The following ABCC12 variants were observed in gnomAD, a reference collection of about 807,000 sequenced individuals.
ABCC12 encodes the protein ATP binding cassette subfamily C member 12, also known as ATP-binding cassette sub-family C member 12.
ABCC12 carries 142 observed loss-of-function variants against 151.1 expected under a neutral mutation model. The observed-to-expected ratio is 0.94, with a 90% CI of 0.82 to 1.08. The LOEUF is 1.08. Among genes scored for constraint, ABCC12 ranks in the 50% least tolerant of loss-of-function variants. The pLI, the probability that ABCC12 is intolerant of heterozygous loss-of-function variation, is 0.00. For synonymous variants in ABCC12, 645 were observed against 646.4 expected (o/e 1.00, Z 0.03); for missense variants, 1,638 against 1,691.1 (o/e 0.97, Z 0.55).
chr16:48,127,937 G>T (rs181779360), intron 11 of ABCC12, among the ~76,000 whole-genome samples: 1 of 151,890 alleles, frequency 6.6e-6, no homozygotes, highest in African/African-American at 2.4e-5. Flanking sequence ...AAATTATCCC[G>T]CTTTCCCCTG....
intron 2 of ABCC12, among the ~76,000 whole-genome samples, chr16:48,152,960 G>T (rs1040918702): frequency 6.6e-6 from 1 of 152,200 alleles, no homozygotes. Flanking sequence ...AAATTAATTT[G>T]CTATAAAGAA....
intron 2 of ABCC12, among the ~76,000 whole-genome samples, chr16:48,149,244 CAAAAAAAAA>C: frequency 1.5e-5 from 1 of 65,050 alleles, no homozygotes. Flanking sequence ...GTAGATTAAC[CAAAAAAAAA>C]AAAAAAAAAA....
At chr16:48,148,539 AG>A (rs1965072712) in intron 2 of ABCC12, among the ~76,000 whole-genome samples, 1 of 152,156 alleles carries the variant, frequency 6.6e-6, no homozygotes, top group Non-Finnish European at 1.5e-5. Context: ...TGCCCAGTGC[AG>A]TTAATGAATA....
At chr16:48,143,724 C>T (rs1035218639) in intron 4 of ABCC12, among the ~76,000 whole-genome samples, 186 bp downstream of exon 4, 2 of 152,196 alleles carry the variant, frequency 1.3e-5, no homozygotes, top group South Asian at 4.1e-4. Flanking sequence ...CACTGTCTTG[C>T]CTGCCACCAT....
At chr16:48,119,148 C>T (rs1209049296) in intron 13 of ABCC12, among the ~76,000 whole-genome samples, 1 of 152,200 alleles carries the variant, frequency 6.6e-6, no homozygotes, top group African/African-American at 2.4e-5. Flanking sequence ...AAATATGCCA[C>T]ATATGAAGGA....
Position 48,111,809 on chromosome 16 carries a change from T to A in ABCC12, c.2091A>T (p.Lys697Asn), listed in dbSNP as rs1015348954. 2 of 1,614,162 alleles carry A rather than the reference T, an allele frequency of 1.2e-6. No individual in the cohort carries two copies. Among genetic ancestry groups the A allele is most frequent in the South Asian group, 2.2e-5 (2 of 91,084 alleles). Residue 697 changes from lysine (K) to asparagine (N), a missense_variant, in exon 16 of 31, where the codon AAA becomes AAT. Lys to Asn is a moderately conservative substitution (Grantham distance 94). Coordinates refer to ENST00000311303, the MANE Select transcript of ABCC12 (RefSeq NM_001393797.1). ...ELMEERGRYA[K>N]LIHNLRGLQF... ...GCAATCCTCGCAGGTTGTGAATCAGTTTTGCATAGCGCCCTCTCTCCTCCA... is the reference window on the plus strand; with the variant it reads ...GCAATCCTCGCAGGTTGTGAATCAGATTTGCATAGCGCCCTCTCTCCTCCA...
intron 24 of ABCC12, among the ~76,000 whole-genome samples, chr16:48,092,498 C>T (rs2150588728): frequency 6.6e-6 from 1 of 152,338 alleles, no homozygotes; most frequent in South Asian, 2.1e-4. Flanking sequence ...ATGCCCGGAA[C>T]CTCCAGCCTG....
chr16:48,105,038 G>A lies in ABCC12; in HGVS notation c.2673+101C>T, dbSNP rs74018242. The A allele has an allele frequency of 4.7e-4, 638 of 1,362,302 alleles. 3 individuals carry two copies. The African/African-American group carries it at 7.7e-3, about 17-fold the overall frequency. 84.4% of individuals were successfully genotyped at this position (1,362,302 alleles called of 1,614,324 possible). A position where few individuals can be genotyped will look rare whatever the true frequency, so the allele number is the denominator to read the frequency against. On this transcript the variant is annotated intron_variant, in intron 21 of 30. Transcript: ENST00000311303. ...AGACTGCAAGCTCTATGAGGGCTCT[G>A]GCTGTCCCCAGAGCCCAGCACCATG...
At chr16:48,131,002 C>T (rs1361652681) in intron 9 of ABCC12, 107 bp from the exon 10 acceptor site, 13 of 741,800 alleles carry the variant, frequency 1.8e-5, no homozygotes, top group Middle Eastern at 2.9e-4. Context: ...ATGGTGGCAT[C>T]GTTGGAATGT....
intron 29 of ABCC12, among the ~76,000 whole-genome samples, chr16:48,084,916 G>C (rs1962518487): frequency 6.6e-6 from 1 of 152,002 alleles, no homozygotes; most frequent in African/African-American, 2.4e-5. Context: ...GACTGGCCAA[G>C]TTACTTAACT....
At chr16:48,096,162 A>G (rs1963087037) in intron 24 of ABCC12, among the ~76,000 whole-genome samples, 1 of 152,232 alleles carries the variant, frequency 6.6e-6, no homozygotes, top group Non-Finnish European at 1.5e-5. Flanking sequence ...CAAAAGAAAA[A>G]AAAGCAACCA....
At chr16:48,099,105 A>T (rs1342755833) in intron 23 of ABCC12, among the ~76,000 whole-genome samples, 3 of 152,158 alleles carry the variant, frequency 2.0e-5, no homozygotes, top group Non-Finnish European at 2.9e-5. Flanking sequence ...TGAGAGAGAG[A>T]ATTAGAGGCA....
At chr16:48,115,113 G>A (rs775102913) in intron 15 of ABCC12, among the ~76,000 whole-genome samples, 2 of 152,058 alleles carry the variant, frequency 1.3e-5, no homozygotes, top group Admixed American at 1.3e-4. Flanking sequence ...CTTACCAGGC[G>A]CCCAGAACTT....
intron 19 of ABCC12, 81 bp from the exon 20 acceptor site, chr16:48,107,506 G>C (rs1963537000): frequency 1.6e-6 from 2 of 1,246,510 alleles, no homozygotes; most frequent in Admixed American, 1.8e-5. Context: ...ACCCAACCCT[G>C]ATGGGAAATT....
In ABCC12 at chr16:48,100,902, G is replaced by A; in HGVS notation, c.3008C>T (p.Ala1003Val). 6.2e-7 allele frequency: 1 copy of A among 1,614,208 alleles called. No homozygotes were observed. The highest frequency in any genetic ancestry group is 8.5e-7 in the Non-Finnish European group (1 of 1,180,034). ...SSMQGLGIIH[A>V]YGKKESCITY... ...GATGCAGCTCTCCTTCTTGCCATAGGCGTGAATGATGCCCAGGCCCTGCAT... is the reference window on the plus strand; with the variant it reads ...GATGCAGCTCTCCTTCTTGCCATAGACGTGAATGATGCCCAGGCCCTGCAT... The change falls in exon 23 of 31, where the codon GCC (alanine) becomes GTC (valine). Residue 1003 changes from alanine (A) to valine (V), a missense_variant. Ala to Val is a moderately conservative substitution (Grantham distance 64). Coordinates refer to ENST00000311303, the MANE Select transcript of ABCC12 (RefSeq NM_001393797.1).
chr16:48,139,185 T>G lies in ABCC12; in HGVS notation c.809A>C (p.Tyr270Ser). ...TACCTGGACGGGTATGAATATGACA[T>G]ACACTGATATCCCGATGAGAGCTGT... ...GPTALIGISV[Y>S]VIFIPVQMFM... Residue 270 changes from tyrosine (Y) to serine (S), a missense_variant, in exon 7 of 31, where the codon TAT (tyrosine) becomes TCT (serine). Physicochemically the swap from Tyr to Ser is moderately radical, Grantham distance 144 (BLOSUM62 -2). Transcript: ENST00000311303. The G allele has an allele frequency of 6.2e-7, 1 of 1,610,326 alleles. No homozygotes were observed. Among genetic ancestry groups the G allele is most frequent in the Non-Finnish European group, 8.5e-7 (1 of 1,179,136 alleles).
At chr16:48,141,592 C>A (rs1042035733) in intron 4 of ABCC12, among the ~76,000 whole-genome samples, 9 of 152,332 alleles carry the variant, frequency 5.9e-5, no homozygotes, top group African/African-American at 1.9e-4. Context: ...GCCAGGCCTT[C>A]TTTTCCTCTG....
chr16:48,128,505 T>G lies in ABCC12; in HGVS notation c.1469A>C (p.Asp490Ala), dbSNP rs761512954. The G allele has an allele frequency of 1.9e-6, 3 of 1,614,132 alleles. No homozygotes were observed. In the African/African-American group the frequency reaches 4.0e-5, roughly 22 times the overall value. ...KGATGPEEQS[D>A]SLKSVLHSIS... ...GCTGTGCAGAACCGATTTGAGGCTG[T>G]CACTTTGCTCCTCTGGGCCAGTGGC... The change falls in exon 11 of 31, where the codon GAC becomes GCC. Residue 490 changes from aspartate to alanine, a missense_variant. Coordinates refer to ENST00000311303, the MANE Select transcript of ABCC12 (RefSeq NM_001393797.1).
intron 4 of ABCC12, among the ~76,000 whole-genome samples, chr16:48,142,966 A>G (rs927188082): frequency 1.3e-5 from 2 of 152,216 alleles, no homozygotes; most frequent in African/African-American, 4.8e-5. Flanking sequence ...TCCAGGGAGT[A>G]GAGCAGGAGC....
Sources: gnomAD v4.1 joint callset for allele counts (sites outside exome capture counted in the v4.1 genomes callset) on GRCh38, gnomAD v4.1.1 for gene constraint, MANE v1.5 for transcripts, NCBI Gene and HGNC (gene_info 2026-07-23, HGNC 2026-07-21) for gene names.